Variants in GABRG3 observed in about 807,000 individuals in gnomAD.
The protein encoded by GABRG3 is gamma-aminobutyric acid receptor subunit gamma-3.
In GABRG3, 25 loss-of-function variants were observed where a neutral mutation model predicts 48.8. That is an observed-to-expected ratio of 0.51 (90% confidence interval 0.37 to 0.72). The LOEUF (loss-of-function observed/expected upper bound fraction) is 0.72, where lower values mean the gene tolerates loss of function less well. Ranked by LOEUF, GABRG3 falls within the 30% of genes least tolerant of loss-of-function variation. The pLI is 0.00. For synonymous variants in GABRG3, 227 were observed against 217.6 expected (o/e 1.04, Z -0.38); for missense variants, 394 against 577.9 (o/e 0.68, Z 3.26).
chr15:27,028,623 G>A (rs995964727), intron 3 of GABRG3, among the ~76,000 whole-genome samples: 1 of 152,006 alleles, frequency 6.6e-6, no homozygotes, highest in Non-Finnish European at 1.5e-5. Context: ...TGGTCAACGT[G>A]ATGAAACCCT....
chr15:27,308,628 CATAT>C (rs201716307), intron 3 of GABRG3, among the ~76,000 whole-genome samples: 1 of 146,060 alleles, frequency 6.8e-6, no homozygotes, highest in Non-Finnish European at 1.5e-5. Context: ...TATATATAAA[CATAT>C]AATGTAAACA....
intron 5 of GABRG3, among the ~76,000 whole-genome samples, chr15:27,452,005 A>G (rs1889127257): frequency 6.6e-6 from 1 of 152,230 alleles, no homozygotes; most frequent in Non-Finnish European, 1.5e-5. Context: ...TACTATTCTT[A>G]TAACTTTTCT....
chr15:27,487,881 T>C (rs1192219165), intron 6 of GABRG3, among the ~76,000 whole-genome samples: 1 of 152,230 alleles, frequency 6.6e-6, no homozygotes, highest in Non-Finnish European at 1.5e-5. Flanking sequence ...TTTTACATGC[T>C]TTTTTGATGA....
chr15:27,361,084 G>A (rs547766760), intron 5 of GABRG3, among the ~76,000 whole-genome samples: 2 of 152,328 alleles, frequency 1.3e-5, no homozygotes, highest in South Asian at 4.1e-4. Context: ...CCTGGCAAGG[G>A]GCAGGCCCTC....
chr15:27,402,390 T>C (rs1365503857), intron 5 of GABRG3, among the ~76,000 whole-genome samples: 1 of 152,212 alleles, frequency 6.6e-6, no homozygotes, highest in Admixed American at 6.5e-5. Context: ...AACCCTCCTC[T>C]ATGGATATCA....
intron 3 of GABRG3, among the ~76,000 whole-genome samples, chr15:27,259,811 G>A (rs940430281): frequency 1.3e-5 from 2 of 152,182 alleles, no homozygotes; most frequent in Non-Finnish European, 2.9e-5. Flanking sequence ...TGGAAGGCAG[G>A]TGGAGTAGGG....
Position 27,457,568 on chromosome 15 carries a change from C to T in GABRG3, c.575-23082C>T, listed in dbSNP as rs993085497. Among the ~76,000 whole-genome samples the T allele has an allele frequency of 4.6e-5, 7 of 152,134 alleles. No individual in the cohort carries two copies. Among genetic ancestry groups the T allele is most frequent in the Admixed American group, 1.3e-4 (2 of 15,276 alleles). On this transcript the variant is annotated intron_variant, in intron 5 of 9. Coordinates refer to ENST00000615808, the MANE Select transcript of GABRG3 (RefSeq NM_033223.5). This position sits in a 1 kb window ranked among gnomAD's most constrained non-coding sequence, Gnocchi z 4.4. ...GAGGACCTGCGATTAGATACGGACACGTTCCCTGCCCCGTATCTAAAGTGG... is the reference window on the plus strand; with the variant it reads ...GAGGACCTGCGATTAGATACGGACATGTTCCCTGCCCCGTATCTAAAGTGG...
Position 27,243,953 on chromosome 15 carries a change from G to A in GABRG3, c.271-82856G>A, listed in dbSNP as rs142682050. On this transcript the variant is annotated intron_variant, in intron 3 of 9. Transcript: ENST00000615808. ...AAATTGATCCATGGGGTTAAGGAAAGTAGAAAAGCATTTAAAATATTTACT... is the reference window on the plus strand; with the variant it reads ...AAATTGATCCATGGGGTTAAGGAAAATAGAAAAGCATTTAAAATATTTACT... Among the ~76,000 whole-genome samples the A allele has an allele frequency of 1.2e-4, 18 of 152,248 alleles. No homozygotes were observed. The East Asian group carries it at 3.3e-3, about 28-fold the overall frequency.
intron 5 of GABRG3, among the ~76,000 whole-genome samples, chr15:27,436,252 T>A (rs1383823657): frequency 1.3e-5 from 2 of 152,152 alleles, no homozygotes; most frequent in Admixed American, 1.3e-4. Context: ...GGAAACAAGC[T>A]CTTTCTGTCT....
chr15:27,098,744 A>G (rs1897307784), intron 3 of GABRG3, among the ~76,000 whole-genome samples: 2 of 152,070 alleles, frequency 1.3e-5, no homozygotes, highest in Middle Eastern at 3.2e-3. Context: ...AAATTATCAT[A>G]TGGAAAATGA....
At chr15:27,258,150 A>C (rs1318897635) in intron 3 of GABRG3, among the ~76,000 whole-genome samples, 1 of 152,122 alleles carries the variant, frequency 6.6e-6, no homozygotes, top group African/African-American at 2.4e-5. Context: ...GGAAAATTGC[A>C]ATTTCTGAGG....
rs146736237 is a variant in GABRG3, at chr15:27,480,146, C to T, written c.575-504C>T. On this transcript the variant is annotated intron_variant, in intron 5 of 9. Transcript: ENST00000615808. ...GGTCCCTGAAGCAGGTCAACATTCA[C>T]CTATCAAAGCTGAAGACTGATAGGA... Among the ~76,000 whole-genome samples the T allele has an allele frequency of 5.6e-3, 855 of 152,346 alleles. 14 individuals carry two copies. The highest frequency in any genetic ancestry group is 0.019 in the African/African-American group (806 of 41,572).
intron 3 of GABRG3, among the ~76,000 whole-genome samples, chr15:27,284,835 G>A (rs899828262): frequency 6.6e-6 from 1 of 152,208 alleles, no homozygotes; most frequent in African/African-American, 2.4e-5. Context: ...TAACAGCTTT[G>A]AGGAGAGAGG....
intron 3 of GABRG3, among the ~76,000 whole-genome samples, chr15:27,103,011 T>C (rs1267722925): frequency 6.6e-6 from 1 of 152,256 alleles, no homozygotes; most frequent in African/African-American, 2.4e-5. Flanking sequence ...CTGTAAAAAG[T>C]TGAAAGCTTG....
intron 3 of GABRG3, among the ~76,000 whole-genome samples, chr15:27,324,536 A>T (rs766778967): frequency 6.6e-6 from 1 of 152,174 alleles, no homozygotes; most frequent in South Asian, 2.1e-4. Flanking sequence ...TTGCCATGGT[A>T]AAGTGGGCAT....
chr15:27,127,599 T>A (rs1897843637), intron 3 of GABRG3, among the ~76,000 whole-genome samples: 3 of 152,298 alleles, frequency 2.0e-5, no homozygotes, highest in Admixed American at 2.0e-4. Flanking sequence ...GAGGGAGTAC[T>A]TAAAGATACC....
intron 3 of GABRG3, among the ~76,000 whole-genome samples, chr15:27,173,792 G>C (rs1887652883): frequency 1.3e-5 from 2 of 151,968 alleles, no homozygotes; most frequent in South Asian, 4.2e-4. Context: ...TGAGGCAGGA[G>C]CATCAGTTGA....
At chr15:27,248,704 T>G (rs1174049761) in intron 3 of GABRG3, among the ~76,000 whole-genome samples, 3 of 151,114 alleles carry the variant, frequency 2.0e-5, no homozygotes, top group Non-Finnish European at 4.4e-5. Flanking sequence ...AAATCAGTGA[T>G]CTGTAAAGTT....
chr15:27,043,561 G>T (rs1306350851), intron 3 of GABRG3, among the ~76,000 whole-genome samples: 2 of 152,146 alleles, frequency 1.3e-5, no homozygotes, highest in African/African-American at 4.8e-5. Context: ...TCTGCTGTTT[G>T]TCCCATGCTT....
Sources: allele counts gnomAD v4.1 joint callset (sites outside exome capture counted in the v4.1 genomes callset), GRCh38; gene constraint gnomAD v4.1.1; non-coding constraint Gnocchi (gnomAD v3.1); transcripts MANE v1.5; gene names NCBI Gene and HGNC (gene_info 2026-07-23, HGNC 2026-07-21).